GPR180: variants seen among roughly 807,000 people sequenced by gnomAD.
The protein encoded by GPR180 is G protein-coupled receptor 180, also known as integral membrane protein GPR180.
Under a neutral mutation model 52.6 loss-of-function variants are expected in GPR180, and 53 were observed. The observed-to-expected ratio is 1.01, with a 90% CI of 0.81 to 1.27. GPR180 has a LOEUF of 1.27. Among genes scored for constraint, GPR180 ranks in the 50% most tolerant of loss-of-function variants. The pLI is 0.00. For missense variants in GPR180, 533 were observed against 527.0 expected, an observed-to-expected ratio of 1.01 and a Z score of -0.11; for synonymous variants, 200 against 193.1, an observed-to-expected ratio of 1.04 and a Z score of -0.30.
intron 5 of GPR180, 90 bp from the exon 6 acceptor site, chr13:94,620,988 A>AG: frequency 6.6e-6 from 2 of 302,888 alleles, no homozygotes; most frequent in Non-Finnish European, 5.1e-6. Context: ...GGTTTTTCTT[A>AG]AAAAAAAAAA....
intron 2 of GPR180, among the ~76,000 whole-genome samples, chr13:94,607,802 G>A (rs1889654403): frequency 6.6e-6 from 1 of 152,116 alleles, no homozygotes; most frequent in South Asian, 2.1e-4. Flanking sequence ...ATTTTGATAA[G>A]TACTATGAAT....
chr13:94,605,594 C>T, intron 2 of GPR180, 45 bp downstream of exon 2: 11 of 1,530,696 alleles, frequency 7.2e-6, no homozygotes, highest in Non-Finnish European at 9.8e-6. Flanking sequence ...TAGTTTTTTT[C>T]CTCCTAATGT....
chr13:94,625,223 A>G lies in GPR180; in HGVS notation c.1087-743A>G, dbSNP rs80336275. ...TAAAAGTATTTAAGGAGTAGCAAAA[A>G]GTTATTCTCACCTCCTCACACAATT... On this transcript the variant is annotated intron_variant, in intron 7 of 8. Transcript: ENST00000376958. 3.7e-3 allele frequency among the ~76,000 whole-genome samples: 565 copies of G among 152,332 alleles called. 18 individuals carry two copies. The East Asian group carries it at 0.085, about 23-fold the overall frequency.
Position 94,633,914 on chromosome 13 carries a change from G to A in GPR180, c.*6743G>A, listed in dbSNP as rs962037904. ...CCAACTTAATTTTTTTCAGATGGTT[G>A]TTGACTTATTGCAATATCATGTGTT... On this transcript the variant is annotated 3_prime_UTR_variant, in exon 9 of 9. Coordinates refer to ENST00000376958, the MANE Select transcript of GPR180 (RefSeq NM_180989.6). The A allele has an allele frequency of 6.6e-6, 1 of 151,812 alleles. No homozygotes were observed. Among genetic ancestry groups the A allele is most frequent in the Non-Finnish European group, 1.5e-5 (1 of 67,948 alleles). The allele number at this position is 151,812 out of a possible 1,614,324, so 9.4% of individuals were successfully genotyped here. A position where few individuals can be genotyped will look rare whatever the true frequency, so the allele number is the denominator to read the frequency against.
intron 2 of GPR180, among the ~76,000 whole-genome samples, chr13:94,608,831 A>G (rs1462907821): frequency 6.6e-6 from 1 of 152,204 alleles, no homozygotes; most frequent in Non-Finnish European, 1.5e-5. Flanking sequence ...GTACTATGAA[A>G]AGACTAGCAG....
At chr13:94,608,421 A>G (rs1466095644) in intron 2 of GPR180, among the ~76,000 whole-genome samples, 2 of 152,276 alleles carry the variant, frequency 1.3e-5, no homozygotes, top group East Asian at 1.9e-4. Flanking sequence ...GTGCAGAGGT[A>G]TATTTTGAAA....
At chr13:94,605,213 A>G (rs1465352469) in intron 1 of GPR180, among the ~76,000 whole-genome samples, 178 bp from the exon 2 acceptor site, 1 of 152,248 alleles carries the variant, frequency 6.6e-6, no homozygotes, top group Non-Finnish European at 1.5e-5. Context: ...GTTCATTTGA[A>G]TAATCTCTTG....
intron 2 of GPR180, among the ~76,000 whole-genome samples, chr13:94,607,574 C>T (rs996092624): frequency 1.3e-5 from 2 of 152,174 alleles, no homozygotes; most frequent in African/African-American, 4.8e-5. Context: ...TGCTTTCCTG[C>T]ATAGCACTTA....
At chr13:94,608,446 A>G (rs1220826285) in intron 2 of GPR180, among the ~76,000 whole-genome samples, 1 of 152,200 alleles carries the variant, frequency 6.6e-6, no homozygotes, top group Non-Finnish European at 1.5e-5. Flanking sequence ...GGAATGGAAG[A>G]TAACAGGTAA....
Position 94,612,302 on chromosome 13 carries a change from T to G in GPR180, c.417T>G (p.Ser139=), listed in dbSNP as rs145864451. The G allele has an allele frequency of 3.7e-6, 6 of 1,613,940 alleles. No individual in the cohort carries two copies. The highest frequency in any genetic ancestry group is 5.1e-6 in the Non-Finnish European group (6 of 1,179,810). Residue 139 remains serine (S), a synonymous_variant, in exon 3 of 9, where the codon TCT becomes TCG. Transcript: ENST00000376958. ...KYTCQDDKEN[S]QVEDIPFEMV... is the part of the protein sequence containing the mutation. ...CATGCCAAGATGACAAGGAGAATTC[T>G]CAGGTGGAAGATATCCCATTTGAAA... is the stretch of plus-strand genomic sequence containing the variant.
chr13:94,606,719 C>A (rs1416968148), intron 2 of GPR180, among the ~76,000 whole-genome samples: 1 of 152,160 alleles, frequency 6.6e-6, no homozygotes, highest in East Asian at 1.9e-4. Flanking sequence ...TGTCTGATTC[C>A]CTCATAAGGC....
At chr13:94,610,198 CT>C (rs1339882533) in intron 2 of GPR180, among the ~76,000 whole-genome samples, 1 of 152,160 alleles carries the variant, frequency 6.6e-6, no homozygotes, top group Non-Finnish European at 1.5e-5. Flanking sequence ...ATCTGTTTAA[CT>C]ATCATACACC....
At chr13:94,621,356 A>C in intron 6 of GPR180, 121 bp downstream of exon 6, 1 of 708,496 alleles carries the variant, frequency 1.4e-6, no homozygotes, top group Non-Finnish European at 2.1e-6. Flanking sequence ...TTTTTTCTTG[A>C]AATTTCTGAG....
Position 94,619,291 on chromosome 13 carries a change from A to G in GPR180, c.647A>G (p.Gln216Arg), listed in dbSNP as rs187712120. ...LKVLTTALLL[Q>R]AGSALANYIH... ...GTTCTGACAACTGCATTGCTGTTACAAGCTGGTTCAGCTTTAGCTAATTAC... is the reference window on the plus strand; with the variant it reads ...GTTCTGACAACTGCATTGCTGTTACGAGCTGGTTCAGCTTTAGCTAATTAC... Residue 216 changes from glutamine (Q) to arginine (R), a missense_variant, in exon 4 of 9, where the codon CAA (glutamine) becomes CGA (arginine). Physicochemically the swap from Gln to Arg is conservative, Grantham distance 43. Coordinates refer to ENST00000376958, the MANE Select transcript of GPR180 (RefSeq NM_180989.6). 1 of 1,614,162 alleles carries G rather than the reference A, an allele frequency of 6.2e-7. No homozygotes were observed. The highest frequency in any genetic ancestry group is 1.7e-5 in the Admixed American group (1 of 60,020).
In GPR180 at chr13:94,627,240, C is replaced by CTT; in HGVS notation, c.*76_*77dup. 1 of 1,363,634 alleles carries CTT rather than the reference C, an allele frequency of 7.3e-7. No homozygotes were observed. Among genetic ancestry groups the CTT allele is most frequent in the Non-Finnish European group, 1.0e-6 (1 of 982,728 alleles). 84.5% of individuals were successfully genotyped at this position (1,363,634 alleles called of 1,614,324 possible). On this transcript the variant is annotated 3_prime_UTR_variant, in exon 9 of 9. Transcript: ENST00000376958. ...TGCAATAAGGATCCAAATACAGTGA[C>CTT]TTTTTTTTCATACATTTAGTATGAA...
Position 94,629,516 on chromosome 13 carries a change from G to C in GPR180, c.*2345G>C, listed in dbSNP as rs1464290860. Reference sequence around the variant, plus strand: ...GTGATAACCAGGCTCCCATTTAACTGAGTATAAGAGAGAATAAATGATTTC... The same window carrying C: ...GTGATAACCAGGCTCCCATTTAACTCAGTATAAGAGAGAATAAATGATTTC... On this transcript the variant is annotated 3_prime_UTR_variant, in exon 9 of 9. Transcript: ENST00000376958. 1 of 152,096 alleles carries C rather than the reference G, an allele frequency of 6.6e-6. No individual in the cohort carries two copies. Among genetic ancestry groups the C allele is most frequent in the Non-Finnish European group, 1.5e-5 (1 of 68,010 alleles). The allele number at this position is 152,096 out of a possible 1,614,324, so 9.4% of individuals were successfully genotyped here. A position where few individuals can be genotyped will look rare whatever the true frequency, so the allele number is the denominator to read the frequency against.
At chr13:94,606,817 T>C (rs1322120953) in intron 2 of GPR180, among the ~76,000 whole-genome samples, 1 of 152,214 alleles carries the variant, frequency 6.6e-6, no homozygotes, top group Non-Finnish European at 1.5e-5. Context: ...GAGATGATAT[T>C]GTGAGAAGAT....
In GPR180 at chr13:94,623,183, G is replaced by C. The variant is rs1889874657; in HGVS notation, c.969G>C (p.Gly323=). 6.2e-7 allele frequency: 1 copy of C among 1,613,220 alleles called. No homozygotes were observed. Among genetic ancestry groups the C allele is most frequent in the Non-Finnish European group, 8.5e-7 (1 of 1,179,368 alleles). The change falls in exon 7 of 9, where the codon GGG becomes GGC. Residue 323 remains glycine (G), a synonymous_variant. Transcript: ENST00000376958. The part of the protein sequence containing the change: ...HSYHSHHNLA[G]ILLIVLRICL... ...ACCATTCACACCACAACTTAGCAGG[G>C]ATCCTCCTAATTGTTCTAAGAATTT...
At chr13:94,610,889 T>G (rs2139566039) in intron 2 of GPR180, among the ~76,000 whole-genome samples, 1 of 152,290 alleles carries the variant, frequency 6.6e-6, no homozygotes, top group Non-Finnish European at 1.5e-5. Flanking sequence ...GGAAAGGAGA[T>G]TACCCTGGAT....
Sources: allele counts gnomAD v4.1 joint callset (sites outside exome capture counted in the v4.1 genomes callset), GRCh38; gene constraint gnomAD v4.1.1; transcripts MANE v1.5; gene names NCBI Gene and HGNC (gene_info 2026-07-23, HGNC 2026-07-21).